Variants in TBC1D1 observed in about 807,000 individuals in gnomAD.
The protein encoded by TBC1D1 is TBC1 (tre-2/USP6, BUB2, cdc16) domain family, member 1.
In TBC1D1, 89 loss-of-function variants were observed where a neutral mutation model predicts 125.6. That is an observed-to-expected ratio of 0.71 (90% CI 0.60 to 0.85). The LOEUF (loss-of-function observed/expected upper bound fraction) is 0.85, where lower values mean the gene tolerates loss of function less well. Among genes scored for constraint, TBC1D1 ranks in the 40% least tolerant of loss-of-function variants. The pLI, the probability that TBC1D1 is intolerant of heterozygous loss-of-function variation, is 0.00. For missense variants in TBC1D1, 1,377 were observed against 1,469.2 expected, an observed-to-expected ratio of 0.94 and a Z score of 1.03; for synonymous variants, 565 against 564.1, an observed-to-expected ratio of 1.00 and a Z score of -0.02.
At chr4:38,047,094 T>A (rs1391370936) in intron 10 of TBC1D1, among the ~76,000 whole-genome samples, 1 of 152,256 alleles carries the variant, frequency 6.6e-6, no homozygotes, top group Non-Finnish European at 1.5e-5. Context: ...ATATTTACTG[T>A]GAACAACATA....
chr4:38,052,207 G>T, intron 11 of TBC1D1, 147 bp downstream of exon 12: 1 of 674,598 alleles, frequency 1.5e-6, no homozygotes, highest in African/African-American at 1.9e-5. Flanking sequence ...GCGCGCGTGT[G>T]TGTCTTTGTT....
intron 2 of TBC1D1, among the ~76,000 whole-genome samples, chr4:38,009,808 A>G (rs1311610495): frequency 6.6e-6 from 1 of 152,194 alleles, no homozygotes; most frequent in Non-Finnish European, 1.5e-5. Flanking sequence ...AGAGGAGTTT[A>G]ATTTTTATGT....
chr4:37,897,198 T>C (rs1214747178), intron 1 of TBC1D1, among the ~76,000 whole-genome samples: 1 of 152,230 alleles, frequency 6.6e-6, no homozygotes, highest in Non-Finnish European at 1.5e-5. Context: ...AATGGTTTGT[T>C]AGTATTAAAC....
chr4:37,926,838 C>T (rs1027978996), intron 2 of TBC1D1, among the ~76,000 whole-genome samples: 1 of 152,188 alleles, frequency 6.6e-6, no homozygotes, highest in African/African-American at 2.4e-5. Flanking sequence ...CTGTTATGGC[C>T]AGGCATGGTG....
chr4:38,010,859 A>G (rs1295869325), intron 2 of TBC1D1, among the ~76,000 whole-genome samples: 4 of 152,216 alleles, frequency 2.6e-5, no homozygotes, highest in Non-Finnish European at 5.9e-5. Context: ...TCCTCCGGGC[A>G]GGGACTCATT....
At chr4:37,999,971 A>G (rs2152403731) in intron 2 of TBC1D1, among the ~76,000 whole-genome samples, 1 of 152,326 alleles carries the variant, frequency 6.6e-6, no homozygotes, top group Admixed American at 6.5e-5. Flanking sequence ...ATGTGCTGGT[A>G]TTGATGAAGA....
At chr4:38,107,037 G>A (rs1018628383) in intron 15 of TBC1D1, among the ~76,000 whole-genome samples, 2 of 147,600 alleles carry the variant, frequency 1.4e-5, no homozygotes, top group African/African-American at 2.5e-5. Flanking sequence ...TCCCATCCTC[G>A]CCTGGCCTCC....
At chr4:37,920,837 G>T (rs568556111) in intron 2 of TBC1D1, among the ~76,000 whole-genome samples, 1 of 152,230 alleles carries the variant, frequency 6.6e-6, no homozygotes, top group South Asian at 2.1e-4. Flanking sequence ...GGGGCCGGGC[G>T]CGGTGGCTCA....
At chr4:37,963,764 AC>A (rs1242719816) in intron 2 of TBC1D1, among the ~76,000 whole-genome samples, 1 of 152,258 alleles carries the variant, frequency 6.6e-6, no homozygotes, top group African/African-American at 2.4e-5. Flanking sequence ...TGTTTTAAAA[AC>A]ATTTAATAAT....
chr4:38,027,991 C>A, intron 7 of TBC1D1, 112 bp downstream of exon 7: 1 of 699,982 alleles, frequency 1.4e-6, no homozygotes, highest in African/African-American at 1.8e-5. Flanking sequence ...GGGGAAGGTG[C>A]CTTGAGTTCG....
chr4:37,953,654 T>G (rs1353404481), intron 2 of TBC1D1, among the ~76,000 whole-genome samples: 2 of 152,242 alleles, frequency 1.3e-5, no homozygotes, highest in Non-Finnish European at 2.9e-5. Flanking sequence ...AAGAATTGAC[T>G]AAGGTTGATG....
chr4:38,051,017 CCT>C (rs1441935124), intron 11 of TBC1D1, among the ~76,000 whole-genome samples: 1 of 152,136 alleles, frequency 6.6e-6, no homozygotes, highest in Non-Finnish European at 1.5e-5. Flanking sequence ...TGTTTAACAC[CCT>C]GTCTGCACAT....
chr4:37,989,768 GA>G (rs1736179594), intron 2 of TBC1D1, among the ~76,000 whole-genome samples: 1 of 152,182 alleles, frequency 6.6e-6, no homozygotes, highest in Non-Finnish European at 1.5e-5. Context: ...CAGCCTGTGT[GA>G]CCTTGCCCAA....
At chr4:38,115,107 T>C (rs1448511536) in intron 15 of TBC1D1, among the ~76,000 whole-genome samples, 1 of 150,302 alleles carries the variant, frequency 6.7e-6, no homozygotes, top group African/African-American at 2.5e-5. Flanking sequence ...TCTTTTTTTT[T>C]TTTTTTTTTG....
intron 2 of TBC1D1, among the ~76,000 whole-genome samples, chr4:38,001,174 T>C (rs892530030): frequency 1.3e-5 from 2 of 151,790 alleles, no homozygotes; most frequent in African/African-American, 4.8e-5. Context: ...GAGCCAAGAT[T>C]GCGCCACTGG....
intron 12 of TBC1D1, among the ~76,000 whole-genome samples, chr4:38,068,438 C>T (rs970697627): frequency 9.2e-5 from 14 of 152,250 alleles, no homozygotes; most frequent in African/African-American, 1.4e-4. Context: ...GCATTAACAG[C>T]GACAGACTTC....
intron 2 of TBC1D1, chr4:37,960,531 A>C: frequency 6.2e-7 from 1 of 1,614,198 alleles, no homozygotes; most frequent in Non-Finnish European, 8.5e-7. Flanking sequence ...ACCTTCAATC[A>C]AAGCATTAGA....
intron 2 of TBC1D1, among the ~76,000 whole-genome samples, chr4:38,007,498 C>T (rs536132416): frequency 0.022 from 3,350 of 152,140 alleles, 48 homozygotes; most frequent in Non-Finnish European, 0.034. Flanking sequence ...AATGATCCAC[C>T]CACCTCAGCC....
intron 12 of TBC1D1, among the ~76,000 whole-genome samples, chr4:38,055,671 G>T (rs1025668400): frequency 6.6e-6 from 1 of 152,218 alleles, no homozygotes; most frequent in African/African-American, 2.4e-5. Context: ...GCCGTGGGTG[G>T]CCCCTCGGTG....
Sources: allele counts gnomAD v4.1 joint callset (sites outside exome capture counted in the v4.1 genomes callset), GRCh38; gene constraint gnomAD v4.1.1; transcripts MANE v1.5; gene names NCBI Gene and HGNC (gene_info 2026-07-23, HGNC 2026-07-21).